DOCK1: variants seen among roughly 807,000 people sequenced by gnomAD.
DOCK1 encodes the protein dedicator of cytokinesis 1.
DOCK1 carries 138 observed loss-of-function variants against 262.7 expected under a neutral mutation model. The ratio of observed to expected loss-of-function variants is 0.53; its 90% CI spans 0.46 to 0.61. The LOEUF is 0.61. Ranked by LOEUF, DOCK1 falls within the 20% of genes least tolerant of loss-of-function variation. DOCK1 has a pLI of 0.00. For missense variants in DOCK1, 1,908 were observed against 2,370.7 expected (o/e 0.80, Z 4.05); for synonymous variants, 866 against 867.4 (o/e 1.00, Z 0.03).
At chr10:127,024,598 C>T in intron 14 of DOCK1, 87 bp from the exon 15 acceptor site, 5 of 1,125,980 alleles carry the variant, frequency 4.4e-6, no homozygotes, top group Non-Finnish European at 6.3e-6. Context: ...TTGGAGCGTA[C>T]CTGTCCCCCC....
chr10:127,238,309 C>T (rs1271070729), intron 27 of DOCK1, among the ~76,000 whole-genome samples: 1 of 152,128 alleles, frequency 6.6e-6, no homozygotes, highest in African/African-American at 2.4e-5. Flanking sequence ...GTGTGCTTAG[C>T]ATTCTACCTA....
chr10:127,260,184 C>G (rs977554043), intron 29 of DOCK1, among the ~76,000 whole-genome samples: 3 of 152,224 alleles, frequency 2.0e-5, no homozygotes, highest in African/African-American at 7.2e-5. Flanking sequence ...GCTGCAGCAG[C>G]AGGTTGGTAC....
intron 1 of DOCK1, among the ~76,000 whole-genome samples, chr10:126,947,683 GTGGT>G (rs2035617904): frequency 1.4e-5 from 2 of 144,366 alleles, no homozygotes; most frequent in South Asian, 2.2e-4. Flanking sequence ...GGTGGTGATG[GTGGT>G]TGGTAGTATT....
At chr10:127,412,242 G>A (rs1012885101) in intron 43 of DOCK1, among the ~76,000 whole-genome samples, 6 of 152,250 alleles carry the variant, frequency 3.9e-5, no homozygotes, top group East Asian at 1.9e-4. Context: ...GATTACAGGC[G>A]TGAGCCACCG....
At chr10:126,920,570 G>C (rs2033081151) in intron 1 of DOCK1, among the ~76,000 whole-genome samples, 1 of 152,186 alleles carries the variant, frequency 6.6e-6, no homozygotes, top group Admixed American at 6.5e-5. Context: ...TAATATATAT[G>C]CTAAAGTACT....
chr10:127,353,746 T>C (rs1395553636), intron 31 of DOCK1, among the ~76,000 whole-genome samples: 1 of 152,250 alleles, frequency 6.6e-6, no homozygotes, highest in Non-Finnish European at 1.5e-5. Context: ...TGATCACTCT[T>C]GGCTGTAGCC....
Position 127,343,781 on chromosome 10 carries a change from G to T in DOCK1, c.3224+35G>T, listed in dbSNP as rs930742167. 1.2e-5 allele frequency: 18 copies of T among 1,512,886 alleles called. No homozygotes were observed. In the African/African-American group the frequency reaches 1.2e-4, roughly 10 times the overall value. 93.7% of individuals were successfully genotyped at this position (1,512,886 alleles called of 1,614,324 possible). On this transcript the variant is annotated intron_variant, in intron 31 of 51. Coordinates refer to ENST00000623213, the MANE Select transcript of DOCK1 (RefSeq NM_001290223.2). The stretch of plus-strand genomic sequence containing the variant: ...CATCTAGCTCTGAAACTGCAGGCAG[G>T]AGCCTCCAACTCTAATCGCATAATT...
At chr10:126,951,455 T>G (rs1450485604) in intron 1 of DOCK1, among the ~76,000 whole-genome samples, 4 of 150,970 alleles carry the variant, frequency 2.6e-5, no homozygotes, top group South Asian at 2.1e-4. Context: ...GTTGGTAGTA[T>G]TGGTAGTAGT....
chr10:126,957,605 C>T (rs2036856177), intron 1 of DOCK1, among the ~76,000 whole-genome samples: 1 of 152,092 alleles, frequency 6.6e-6, no homozygotes, highest in South Asian at 2.1e-4. Context: ...GCCTCAGCCT[C>T]CCAAGTAGCT....
intron 32 of DOCK1, among the ~76,000 whole-genome samples, chr10:127,355,691 G>T (rs2064111954): frequency 6.6e-6 from 1 of 152,206 alleles, no homozygotes; most frequent in Non-Finnish European, 1.5e-5. Context: ...GCATCACTCT[G>T]TTAGCCTCGT....
rs2069154605 is a variant in DOCK1 at position 127,429,783 on chromosome 10, G to GT, written c.4915-3498dup. Among the ~76,000 whole-genome samples the GT allele has an allele frequency of 5.9e-5, 9 of 151,904 alleles. 1 individual carries two copies. In the South Asian group the frequency reaches 1.9e-3, roughly 31 times the overall value. ...GGATGAGCCCGTGAGCACCTGCCAC[G>GT]TTCGGCATTGGCCCCCGTGCCCTCA... On this transcript the variant is annotated intron_variant, in intron 47 of 51. Coordinates refer to ENST00000623213, the MANE Select transcript of DOCK1 (RefSeq NM_001290223.2).
chr10:127,166,199 G>A (rs1358879602), intron 27 of DOCK1, among the ~76,000 whole-genome samples: 1 of 152,118 alleles, frequency 6.6e-6, no homozygotes, highest in South Asian at 2.1e-4. Context: ...CCAAGTAGCT[G>A]GGACTACAGG....
At chr10:127,311,965 A>G (rs927991387) in intron 29 of DOCK1, among the ~76,000 whole-genome samples, 1 of 151,982 alleles carries the variant, frequency 6.6e-6, no homozygotes, top group Non-Finnish European at 1.5e-5. Context: ...CCTGAGTTCA[A>G]GTGATTCTCC....
intron 38 of DOCK1, among the ~76,000 whole-genome samples, chr10:127,393,617 T>C (rs1226131268): frequency 6.6e-6 from 1 of 152,100 alleles, no homozygotes; most frequent in East Asian, 1.9e-4. Context: ...TCGGGTGATA[T>C]TAAAGTTTCT....
intron 1 of DOCK1, among the ~76,000 whole-genome samples, chr10:126,950,975 G>A (rs927151483): frequency 8.5e-5 from 13 of 152,176 alleles, no homozygotes; most frequent in African/African-American, 2.6e-4. Context: ...ATTGCTGGCG[G>A]TGATTGTGTT....
chr10:127,403,033 T>A, intron 38 of DOCK1, 22 bp from the exon 39 acceptor site: 1 of 1,596,124 alleles, frequency 6.3e-7, no homozygotes, highest in Non-Finnish European at 8.5e-7. Context: ...CTTCTCTTTC[T>A]TTTCTTTATT....
chr10:127,425,203 C>A (rs1174630061), intron 46 of DOCK1, among the ~76,000 whole-genome samples: 1 of 152,064 alleles, frequency 6.6e-6, no homozygotes, highest in African/African-American at 2.4e-5. Flanking sequence ...AAGCAGAGAC[C>A]AGGGACAGAA....
intron 29 of DOCK1, among the ~76,000 whole-genome samples, chr10:127,307,520 T>G (rs1457619872): frequency 6.6e-6 from 1 of 152,222 alleles, no homozygotes; most frequent in Non-Finnish European, 1.5e-5. Flanking sequence ...GGCTGCAGGC[T>G]GCCTCATTTC....
At chr10:127,149,543 C>T (rs1051319477) in intron 27 of DOCK1, among the ~76,000 whole-genome samples, 6 of 152,150 alleles carry the variant, frequency 3.9e-5, no homozygotes, top group Non-Finnish European at 8.8e-5. Context: ...AACACAGTAT[C>T]CTTTTCATCT....
Sources: gnomAD v4.1 joint callset for allele counts (sites outside exome capture counted in the v4.1 genomes callset) on GRCh38, gnomAD v4.1.1 for gene constraint, MANE v1.5 for transcripts, NCBI Gene and HGNC (gene_info 2026-07-23, HGNC 2026-07-21) for gene names.